The following C10orf67 variants were observed in gnomAD, a reference collection of about 807,000 sequenced individuals.
C10orf67 encodes chromosome 10 open reading frame 67.
A neutral mutation model predicts 35.6 loss-of-function variants in C10orf67; 60 were observed. The ratio of observed to expected loss-of-function variants is 1.68; its 90% CI spans 1.37 to 2.09. The LOEUF (loss-of-function observed/expected upper bound fraction) is 2.09, where lower values mean the gene tolerates loss of function less well. Ranked by LOEUF, C10orf67 falls within the 30% of genes most tolerant of loss-of-function variation. The pLI is 0.00. For missense variants in C10orf67, 474 were observed against 330.2 expected, an observed-to-expected ratio of 1.44 and a Z score of -3.38; for synonymous variants, 167 against 115.8, an observed-to-expected ratio of 1.44 and a Z score of -2.84.
rs201538314 is a variant in C10orf67, at chr10:23,277,805, C to T, written c.975+4208G>A. On this transcript the variant is annotated intron_variant, in intron 8 of 15. Transcript: ENST00000636213. ...TCTGTGTTAGTCTATTCTCACATTG[C>T]TATAAAGAAATATCTGAGACTGGGT... is the stretch of plus-strand genomic sequence containing the variant. Among the ~76,000 whole-genome samples the T allele has an allele frequency of 2.6e-5, 4 of 152,170 alleles. No individual in the cohort carries two copies. In the East Asian group the frequency reaches 5.8e-4, roughly 22 times the overall value.
intron 15 of C10orf67, among the ~76,000 whole-genome samples, chr10:23,222,231 T>C (rs1841603553): frequency 6.6e-6 from 1 of 152,194 alleles, no homozygotes; most frequent in Admixed American, 6.5e-5. Context: ...TTATGTGTCA[T>C]GTGGCCATCA....
At chr10:23,282,314 C>A (rs981362161) in intron 7 of C10orf67, among the ~76,000 whole-genome samples, 2 of 152,142 alleles carry the variant, frequency 1.3e-5, no homozygotes, top group African/African-American at 4.8e-5. Flanking sequence ...CACCCCATGC[C>A]ATCAAAATGT....
chr10:23,269,381 G>T (rs966414898), intron 8 of C10orf67, among the ~76,000 whole-genome samples: 14 of 152,146 alleles, frequency 9.2e-5, no homozygotes, highest in Non-Finnish European at 1.6e-4. Flanking sequence ...AATCACTAGA[G>T]CGCCTGCTAT....
Position 23,331,236 on chromosome 10 carries a change from A to C in C10orf67, c.327+1826T>G, listed in dbSNP as rs867880504. On this transcript the variant is annotated intron_variant, in intron 2 of 15. Transcript: ENST00000636213. The stretch of plus-strand genomic sequence containing the variant: ...GGAAGGGAAGGGAAGGGAGGAGGGA[A>C]GGGAAGGGAAGGGAAGAGGGAAGGG... 7.1e-3 allele frequency among the ~76,000 whole-genome samples: 138 copies of C among 19,530 alleles called. 4 individuals carry two copies. Among genetic ancestry groups the C allele is most frequent in the East Asian group, 0.068 (8 of 118 alleles). The allele number at this position is 19,530 out of a possible 152,430, so 12.8% of individuals were successfully genotyped here. A position where few individuals can be genotyped will look rare whatever the true frequency, so the allele number is the denominator to read the frequency against.
At chr10:23,343,859 G>A (rs966469613) in intron 1 of C10orf67, 9 of 459,634 alleles carry the variant, frequency 2.0e-5, no homozygotes, top group Non-Finnish European at 4.0e-5. Flanking sequence ...GCCGGGGCGC[G>A]AGGGCTCCGG....
At chr10:23,304,769 A>G (rs1844211439) in intron 4 of C10orf67, among the ~76,000 whole-genome samples, 1 of 151,964 alleles carries the variant, frequency 6.6e-6, no homozygotes, top group South Asian at 2.1e-4. Flanking sequence ...AGGAATACAC[A>G]CTCATCTGTG....
chr10:23,253,947 G>A (rs1416065528), intron 10 of C10orf67, among the ~76,000 whole-genome samples: 1 of 152,070 alleles, frequency 6.6e-6, no homozygotes, highest in African/African-American at 2.4e-5. Context: ...CAACTTTGCT[G>A]CAACATGGTC....
chr10:23,342,281 G>A (rs1823744006), intron 1 of C10orf67, among the ~76,000 whole-genome samples: 1 of 151,340 alleles, frequency 6.6e-6, no homozygotes, highest in Non-Finnish European at 1.5e-5. Flanking sequence ...CCCTCCCCAT[G>A]TTCGGTTTCT....
At chr10:23,277,621 T>G (rs917228076) in intron 8 of C10orf67, among the ~76,000 whole-genome samples, 1 of 152,174 alleles carries the variant, frequency 6.6e-6, no homozygotes, top group Non-Finnish European at 1.5e-5. Context: ...AAAGCCACTT[T>G]TGCTAAACAT....
intron 13 of C10orf67, among the ~76,000 whole-genome samples, chr10:23,230,958 T>A (rs565409028): frequency 3.0e-4 from 46 of 152,250 alleles, no homozygotes; most frequent in Non-Finnish European, 5.6e-4. Context: ...TCCTTCAATA[T>A]CTAATCTCCT....
chr10:23,234,390 G>A lies in C10orf67; in HGVS notation c.1434+5339C>T, dbSNP rs148581835. Among the ~76,000 whole-genome samples the A allele has an allele frequency of 1.2e-3, 179 of 152,266 alleles. 1 individual carries two copies. Among genetic ancestry groups the A allele is most frequent in the African/African-American group, 4.1e-3 (171 of 41,540 alleles). On this transcript the variant is annotated intron_variant, in intron 13 of 15. Coordinates refer to ENST00000636213, the MANE Select transcript of C10orf67 (RefSeq NM_001371909.1). ...CCTCTGCAGGAACATGGGTAGAGCT[G>A]GAGGCCATTATCCTTAGCAAAATAA...
At chr10:23,257,194 T>A (rs989351410) in intron 10 of C10orf67, among the ~76,000 whole-genome samples, 1 of 152,098 alleles carries the variant, frequency 6.6e-6, no homozygotes, top group Non-Finnish European at 1.5e-5. Context: ...CAAGACCAAC[T>A]TCAGATACAA....
At chr10:23,318,841 G>A in intron 4 of C10orf67, 1 of 762,372 alleles carries the variant, frequency 1.3e-6, no homozygotes, top group Non-Finnish European at 2.4e-6. Context: ...ACATTACCAA[G>A]GACCCCTCTG....
intron 3 of C10orf67, among the ~76,000 whole-genome samples, 186 bp downstream of exon 3, chr10:23,322,208 T>C (rs1446086099): frequency 6.6e-6 from 1 of 152,212 alleles, no homozygotes; most frequent in African/African-American, 2.4e-5. Flanking sequence ...ATTAAATCAG[T>C]TCATATGCTA....
chr10:23,275,348 G>C lies in C10orf67; in HGVS notation c.975+6665C>G, dbSNP rs553717669. ...AAACAAGCAAACTAACTAAACTGAG[G>C]GTTTGAGGTTCTGTGAATACAAATT... On this transcript the variant is annotated intron_variant, in intron 8 of 15. Coordinates refer to ENST00000636213, the MANE Select transcript of C10orf67 (RefSeq NM_001371909.1). Among the ~76,000 whole-genome samples, 3 of 152,208 alleles carry C rather than the reference G, an allele frequency of 2.0e-5. No homozygotes were observed. In the East Asian group the frequency reaches 5.8e-4, roughly 29 times the overall value.
intron 4 of C10orf67, among the ~76,000 whole-genome samples, chr10:23,305,265 A>C (rs965651584): frequency 2.0e-5 from 3 of 152,262 alleles, no homozygotes; most frequent in African/African-American, 7.2e-5. Flanking sequence ...AAGAAGCTCA[A>C]TGAGACGCAA....
chr10:23,220,585 T>C (rs1375260737), intron 15 of C10orf67, among the ~76,000 whole-genome samples: 2 of 152,060 alleles, frequency 1.3e-5, no homozygotes, highest in Non-Finnish European at 2.9e-5. Context: ...CAGGTGAAAA[T>C]AATTGAGTGG....
intron 7 of C10orf67, among the ~76,000 whole-genome samples, chr10:23,287,163 G>T (rs904564046): frequency 5.5e-4 from 84 of 152,270 alleles, no homozygotes; most frequent in African/African-American, 1.8e-3. Context: ...ACCCTGTACA[G>T]CCAAGACAAT....
At chr10:23,318,507 C>G (rs1322458147) in intron 4 of C10orf67, 3 of 180,232 alleles carry the variant, frequency 1.7e-5, no homozygotes, top group Non-Finnish European at 3.5e-5. Context: ...AGTCACGCAG[C>G]TTCACTTCCT....
Sources: allele counts gnomAD v4.1 joint callset (sites outside exome capture counted in the v4.1 genomes callset), GRCh38; gene constraint gnomAD v4.1.1; transcripts MANE v1.5; gene names NCBI Gene and HGNC (gene_info 2026-07-23, HGNC 2026-07-21).